The following PARD3 variants were observed in gnomAD, a reference collection of about 807,000 sequenced individuals.
PARD3 encodes partitioning defective 3 homolog.
Under a neutral mutation model 155.4 loss-of-function variants are expected in PARD3, and 75 were observed. That is an observed-to-expected ratio of 0.48 (90% CI 0.40 to 0.58). PARD3 has a LOEUF of 0.58. Ranked by LOEUF, PARD3 falls within the 20% of genes least tolerant of loss-of-function variation. PARD3 has a pLI of 0.00. For synonymous variants in PARD3, 576 were observed against 610.5 expected (o/e 0.94, Z 0.83); for missense variants, 1,642 against 1,721.7 (o/e 0.95, Z 0.82).
intron 22 of PARD3, among the ~76,000 whole-genome samples, chr10:34,210,515 T>TTATG (rs1250500296): frequency 6.6e-6 from 1 of 152,128 alleles, no homozygotes; most frequent in Non-Finnish European, 1.5e-5. Flanking sequence ...GCTCAAGGTG[T>TTATG]TATGACCTTT....
intron 5 of PARD3, among the ~76,000 whole-genome samples, chr10:34,426,510 C>T (rs1482490754): frequency 6.6e-6 from 1 of 152,034 alleles, no homozygotes; most frequent in Non-Finnish European, 1.5e-5. Context: ...ATAGAATCCA[C>T]TTCTATAATT....
At chr10:34,678,565 G>A (rs2093754789) in intron 2 of PARD3, among the ~76,000 whole-genome samples, 1 of 151,968 alleles carries the variant, frequency 6.6e-6, no homozygotes, top group African/African-American at 2.4e-5. Context: ...TTCCATACGA[G>A]TAATAAGGAT....
chr10:34,434,040 A>G (rs1427824152), intron 5 of PARD3, among the ~76,000 whole-genome samples: 1 of 152,212 alleles, frequency 6.6e-6, no homozygotes, highest in African/African-American at 2.4e-5. Context: ...TGTGTGCCTC[A>G]CATTGGTTTT....
chr10:34,266,994 G>A (rs1955346443), intron 22 of PARD3, among the ~76,000 whole-genome samples: 1 of 152,182 alleles, frequency 6.6e-6, no homozygotes, highest in Non-Finnish European at 1.5e-5. Flanking sequence ...TTGATGTCAT[G>A]TGGGACTTCT....
At chr10:34,574,775 G>C (rs962759901) in intron 2 of PARD3, among the ~76,000 whole-genome samples, 4 of 152,138 alleles carry the variant, frequency 2.6e-5, no homozygotes, top group African/African-American at 9.7e-5. Context: ...TCTTGGGAAA[G>C]AACAATCATA....
chr10:34,731,869 A>C (rs1394607571), intron 1 of PARD3, among the ~76,000 whole-genome samples: 1 of 152,230 alleles, frequency 6.6e-6, no homozygotes, highest in Non-Finnish European at 1.5e-5. Context: ...TAAGCCCACT[A>C]AATTCAGTGA....
chr10:34,339,879 T>C (rs16935335), intron 16 of PARD3, among the ~76,000 whole-genome samples: 1,814 of 152,322 alleles, frequency 0.012, 13 homozygotes, highest in Non-Finnish European at 0.018. Flanking sequence ...ACAAGTTAGA[T>C]GGCAGGAATG....
intron 1 of PARD3, among the ~76,000 whole-genome samples, chr10:34,732,052 G>A (rs1344631113): frequency 2.0e-5 from 3 of 152,132 alleles, no homozygotes; most frequent in African/African-American, 7.2e-5. Flanking sequence ...TATGACAGCA[G>A]GGTGTTTTCC....
At chr10:34,681,341 T>C (rs2093815325) in intron 2 of PARD3, among the ~76,000 whole-genome samples, 1 of 152,066 alleles carries the variant, frequency 6.6e-6, no homozygotes, top group Non-Finnish European at 1.5e-5. Context: ...CAGCGACAGT[T>C]TGAGAAGTAA....
intron 20 of PARD3, among the ~76,000 whole-genome samples, chr10:34,301,532 C>A (rs1001769481): frequency 2.6e-5 from 4 of 152,210 alleles, no homozygotes; most frequent in Middle Eastern, 3.4e-3. Context: ...TCTATTACTC[C>A]TTCCCTCTAT....
chr10:34,630,122 G>A (rs967549093), intron 2 of PARD3, among the ~76,000 whole-genome samples: 1 of 152,082 alleles, frequency 6.6e-6, no homozygotes, highest in African/African-American at 2.4e-5. Flanking sequence ...TAAAATCACC[G>A]ACATAGCAAT....
intron 14 of PARD3, among the ~76,000 whole-genome samples, chr10:34,349,111 G>A (rs754453027): frequency 9.2e-5 from 14 of 152,162 alleles, no homozygotes; most frequent in Non-Finnish European, 1.5e-4. Context: ...ATGTGGGGGA[G>A]TGGGCAGGAG....
intron 22 of PARD3, among the ~76,000 whole-genome samples, chr10:34,135,497 G>T (rs908708246): frequency 6.6e-6 from 1 of 152,152 alleles, no homozygotes; most frequent in South Asian, 2.1e-4. Context: ...ATTACTACGG[G>T]GATTGCAGTC....
intron 2 of PARD3, among the ~76,000 whole-genome samples, chr10:34,641,055 A>G (rs922023673): frequency 2.0e-5 from 3 of 152,222 alleles, no homozygotes; most frequent in Non-Finnish European, 2.9e-5. Context: ...TTAAACATTT[A>G]CAATTTCCAG....
intron 2 of PARD3, among the ~76,000 whole-genome samples, chr10:34,579,356 C>T (rs535731568): frequency 1.3e-5 from 2 of 152,192 alleles, no homozygotes; most frequent in East Asian, 1.9e-4. Flanking sequence ...CACTACCTTG[C>T]GTGAGGATGT....
chr10:34,544,893 G>A (rs1333954271), intron 2 of PARD3, among the ~76,000 whole-genome samples: 1 of 152,294 alleles, frequency 6.6e-6, no homozygotes, highest in East Asian at 1.9e-4. Context: ...CCATGAAGCA[G>A]AGACACTAAA....
Position 34,304,159 on chromosome 10 carries a change from T to C in PARD3, c.3065+12948A>G, listed in dbSNP as rs77974821. 3.0e-3 allele frequency among the ~76,000 whole-genome samples: 458 copies of C among 152,132 alleles called. 2 individuals carry two copies. The highest frequency in any genetic ancestry group is 0.01 in the African/African-American group (423 of 41,502). Reference sequence around the variant, plus strand: ...GAGAGTCTGTGAAGAGGGAGAGGAATGAGACAGCTGGTAAGTTTTTCATTA... The same window carrying C: ...GAGAGTCTGTGAAGAGGGAGAGGAACGAGACAGCTGGTAAGTTTTTCATTA... On this transcript the variant is annotated intron_variant, in intron 20 of 24. Transcript: ENST00000374788.
chr10:34,135,222 C>T (rs575371081), intron 22 of PARD3, among the ~76,000 whole-genome samples: 2 of 152,302 alleles, frequency 1.3e-5, no homozygotes, highest in Admixed American at 6.5e-5. Context: ...ATAAAACATC[C>T]ACACAGACAG....
chr10:34,219,835 C>T (rs992688309), intron 22 of PARD3, among the ~76,000 whole-genome samples: 5 of 152,142 alleles, frequency 3.3e-5, no homozygotes, highest in Non-Finnish European at 5.9e-5. Flanking sequence ...CTGTACTAAT[C>T]TATAAATTTT....
Sources: allele counts gnomAD v4.1 joint callset (sites outside exome capture counted in the v4.1 genomes callset), GRCh38; gene constraint gnomAD v4.1.1; transcripts MANE v1.5; gene names NCBI Gene and HGNC (gene_info 2026-07-23, HGNC 2026-07-21).